KIF21A: variants seen among roughly 807,000 people sequenced by gnomAD.
The protein encoded by KIF21A is kinesin family member 21A.
Under a neutral mutation model 202.9 loss-of-function variants are expected in KIF21A, and 114 were observed. The observed-to-expected ratio is 0.56, with a 90% CI of 0.48 to 0.66. KIF21A has a LOEUF of 0.66. Among genes scored for constraint, KIF21A ranks in the 30% least tolerant of loss-of-function variants. The pLI, the probability that KIF21A is intolerant of heterozygous loss-of-function variation, is 0.00. For missense variants in KIF21A, 1,677 were observed against 1,994.9 expected (o/e 0.84, Z 3.04); for synonymous variants, 667 against 670.8 (o/e 0.99, Z 0.09).
intron 1 of KIF21A, among the ~76,000 whole-genome samples, chr12:39,372,150 C>T (rs1359599397): frequency 6.6e-6 from 1 of 151,818 alleles, no homozygotes; most frequent in Non-Finnish European, 1.5e-5. Context: ...CTTTCCAGTT[C>T]ATTAAAATAA....
intron 17 of KIF21A, among the ~76,000 whole-genome samples, chr12:39,334,217 A>G (rs1219704868): frequency 0.012 from 1,778 of 149,712 alleles, 32 homozygotes; most frequent in African/African-American, 0.04. Context: ...AAAAAAAAAA[A>G]AAAGAAAGAA....
At chr12:39,378,556 A>C (rs1048177220) in intron 1 of KIF21A, among the ~76,000 whole-genome samples, 6 of 152,168 alleles carry the variant, frequency 3.9e-5, no homozygotes, top group African/African-American at 1.4e-4. Context: ...TGACAACAGG[A>C]ACCATCTGCC....
At chr12:39,441,117 T>C (rs1939510603) in intron 1 of KIF21A, among the ~76,000 whole-genome samples, 1 of 152,154 alleles carries the variant, frequency 6.6e-6, no homozygotes, top group Non-Finnish European at 1.5e-5. Context: ...CAATATGGCT[T>C]ACTAAGTTAT....
chr12:39,443,058 C>T lies in KIF21A; in HGVS notation c.-88G>A. The T allele has an allele frequency of 7.5e-7, 1 of 1,335,280 alleles. No homozygotes were observed. Among genetic ancestry groups the T allele is most frequent in the Non-Finnish European group, 9.7e-7 (1 of 1,027,204 alleles). 82.7% of individuals were successfully genotyped at this position (1,335,280 alleles called of 1,614,324 possible). On this transcript the variant is annotated 5_prime_UTR_variant, in exon 1 of 38. Transcript: ENST00000361418. ...GGCCGCGGGACTCGGGCGCAGTAGG[C>T]TGGGGCGTCTGCGGGCGGGCGGCCG...
intron 1 of KIF21A, among the ~76,000 whole-genome samples, chr12:39,436,448 A>ATATATATATATATATTTTTTTT (rs1387332677): frequency 1.0e-5 from 1 of 95,764 alleles, no homozygotes; most frequent in Non-Finnish European, 2.0e-5. Flanking sequence ...ATATATATAT[A>ATATATATATATATATTTTTTTT]TTTTTTTTTT....
chr12:39,380,077 C>T (rs1950520184), intron 1 of KIF21A, among the ~76,000 whole-genome samples: 1 of 152,226 alleles, frequency 6.6e-6, no homozygotes, highest in African/African-American at 2.4e-5. Flanking sequence ...AGGCAATTCT[C>T]CTGCCTCAGC....
rs934280524 is a variant in KIF21A, at chr12:39,307,437, T to C, written c.4442+128A>G. The C allele has an allele frequency of 1.3e-5, 10 of 791,574 alleles. No individual in the cohort carries two copies. In the East Asian group the frequency reaches 1.3e-4, roughly 10 times the overall value. 49.0% of individuals were successfully genotyped at this position (791,574 alleles called of 1,614,324 possible). On this transcript the variant is annotated intron_variant, in intron 34 of 37. Transcript: ENST00000361418. ...AGACATTTAGAGGTACTATGCTGAA[T>C]AAAAAAGCCTATGATTTTACATTAA... is the stretch of plus-strand genomic sequence containing the variant.
chr12:39,316,352 T>C (rs1205339418), intron 29 of KIF21A, among the ~76,000 whole-genome samples: 1 of 151,726 alleles, frequency 6.6e-6, no homozygotes. Context: ...TAACTGTTGA[T>C]CAATTTTATT....
chr12:39,377,349 C>A (rs190936356), intron 1 of KIF21A, among the ~76,000 whole-genome samples: 1 of 152,174 alleles, frequency 6.6e-6, no homozygotes, highest in East Asian at 1.9e-4. Flanking sequence ...AAATTCCTTC[C>A]TTCCATTTCC....
chr12:39,355,763 T>C (rs2138798707), intron 10 of KIF21A, among the ~76,000 whole-genome samples: 1 of 143,516 alleles, frequency 7.0e-6, no homozygotes, highest in South Asian at 2.3e-4. Context: ...ATAATATATA[T>C]GTACACACAC....
Position 39,304,884 on chromosome 12 carries a change from A to C in KIF21A, c.4497T>G (p.Thr1499=), listed in dbSNP as rs1943302970. 1 of 1,610,008 alleles carries C rather than the reference A, an allele frequency of 6.2e-7. No homozygotes were observed. The highest frequency in any genetic ancestry group is 8.5e-7 in the Non-Finnish European group (1 of 1,176,870). The change falls in exon 35 of 38, where the codon ACT becomes ACG. Residue 1499 remains threonine (T), a synonymous_variant. Transcript: ENST00000361418. ...TGHLGPVMCL[T]VDQISSGQDL... is the part of the protein sequence containing the mutation. Reference sequence around the variant, plus strand: ...CTTGTCCACTGGAAATCTGATCCACAGTAAGGCACATAACAGGGCCTAGGT... The same window carrying C: ...CTTGTCCACTGGAAATCTGATCCACCGTAAGGCACATAACAGGGCCTAGGT...
chr12:39,389,543 C>A (rs1198302441), intron 1 of KIF21A, among the ~76,000 whole-genome samples: 1 of 152,158 alleles, frequency 6.6e-6, no homozygotes, highest in Admixed American at 6.5e-5. Context: ...TGCCACCAGT[C>A]CATAATACCC....
intron 1 of KIF21A, among the ~76,000 whole-genome samples, chr12:39,382,945 T>C (rs1447190240): frequency 2.2e-4 from 34 of 152,218 alleles, no homozygotes; most frequent in Admixed American, 2.2e-3. Flanking sequence ...CATTACTGCA[T>C]GAAGTATCAG....
intron 29 of KIF21A, 67 bp from the exon 30 acceptor site, chr12:39,316,037 T>C: frequency 9.2e-7 from 1 of 1,087,606 alleles, no homozygotes; most frequent in Non-Finnish European, 1.4e-6. Flanking sequence ...ACACTGACTT[T>C]GGACTCAAAA....
At chr12:39,351,088 G>T (rs573903665) in intron 11 of KIF21A, among the ~76,000 whole-genome samples, 1 of 151,992 alleles carries the variant, frequency 6.6e-6, no homozygotes, top group African/African-American at 2.4e-5. Context: ...AAGAATTTAT[G>T]AGAATTTAAC....
chr12:39,442,810 G>T lies in KIF21A; in HGVS notation c.44+117C>A. 2.3e-6 allele frequency: 3 copies of T among 1,297,110 alleles called. No individual in the cohort carries two copies. Among genetic ancestry groups the T allele is most frequent in the Non-Finnish European group, 3.2e-6 (3 of 945,762 alleles). 80.4% of individuals were successfully genotyped at this position (1,297,110 alleles called of 1,614,324 possible). On this transcript the variant is annotated intron_variant, in intron 1 of 37. Coordinates refer to ENST00000361418, the MANE Select transcript of KIF21A (RefSeq NM_001173464.2). This position sits in a 1 kb window ranked among gnomAD's most constrained non-coding sequence, Gnocchi z 5.0. ...CTCAGTTTCCTCAGCCGCAGAACCC[G>T]GCCGGGACGCCCCTCAGGTCGCTCC...
intron 10 of KIF21A, 39 bp from the exon 11 acceptor site, chr12:39,352,019 C>T (rs749003156): frequency 6.4e-6 from 9 of 1,405,526 alleles, no homozygotes; most frequent in African/African-American, 1.4e-5. Flanking sequence ...GAGCATTTTT[C>T]TCTGTGGATA....
rs1389558078 is a variant in KIF21A at position 39,326,831 on chromosome 12, G to T, written c.3341-507C>A. Among the ~76,000 whole-genome samples the T allele has an allele frequency of 2.0e-5, 3 of 152,112 alleles. No homozygotes were observed. In the East Asian group the frequency reaches 5.8e-4, roughly 29 times the overall value. ...ATTTTTGCCTACATACAGAGAGAAG[G>T]TGTGCATGAGGGTGTTCAGAAGTCA... On this transcript the variant is annotated intron_variant, in intron 24 of 37. Transcript: ENST00000361418.
intron 34 of KIF21A, among the ~76,000 whole-genome samples, chr12:39,305,211 T>A (rs2137207234): frequency 6.6e-6 from 1 of 151,394 alleles, no homozygotes; most frequent in South Asian, 2.1e-4. Context: ...ACTAAAAATA[T>A]AAAAATTAGC....
Sources: gnomAD v4.1 joint callset for allele counts (sites outside exome capture counted in the v4.1 genomes callset) on GRCh38, gnomAD v4.1.1 for gene constraint, Gnocchi (gnomAD v3.1) non-coding constraint, MANE v1.5 for transcripts, NCBI Gene and HGNC (gene_info 2026-07-23, HGNC 2026-07-21) for gene names.